Variants in ADGRL3 observed in about 807,000 individuals in gnomAD.
The protein encoded by ADGRL3 is adhesion G protein-coupled receptor L3, also known as calcium-independent alpha-latrotoxin receptor 3.
ADGRL3 carries 62 observed loss-of-function variants against 153.5 expected under a neutral mutation model. That is an observed-to-expected ratio of 0.40 (90% CI 0.33 to 0.50). The LOEUF is 0.50. Among genes scored for constraint, ADGRL3 ranks in the 20% least tolerant of loss-of-function variants. The pLI is 0.47. For synonymous variants in ADGRL3, 710 were observed against 672.5 expected, an observed-to-expected ratio of 1.06 and a Z score of -0.86; for missense variants, 1,641 against 1,859.4, an observed-to-expected ratio of 0.88 and a Z score of 2.16.
chr4:61,733,343 G>T lies in ADGRL3; in HGVS notation c.1188G>T (p.Glu396Asp). The change falls in exon 8 of 27, where the codon GAG becomes GAT. Residue 396 changes from glutamate (E) to aspartate (D), a missense_variant. Glu to Asp is a conservative substitution (Grantham distance 45, BLOSUM62 2). Transcript: ENST00000683033. ...GILYVVKSVY[E>D]DDDNEATGNK... The stretch of plus-strand genomic sequence containing the variant: ...TGTATGTGGTCAAATCTGTATATGA[G>T]GATGATGACAATGAGGCTACTGGAA... 1 of 1,613,630 alleles carries T rather than the reference G, an allele frequency of 6.2e-7. No homozygotes were observed. Among genetic ancestry groups the T allele is most frequent in the Non-Finnish European group, 8.5e-7 (1 of 1,179,776 alleles).
At chr4:61,599,376 G>T (rs1196056418) in intron 5 of ADGRL3, among the ~76,000 whole-genome samples, 1 of 152,152 alleles carries the variant, frequency 6.6e-6, no homozygotes, top group Non-Finnish European at 1.5e-5. Context: ...ATCTCATTCT[G>T]CCACCCAGGC....
At chr4:61,682,563 A>ATTT (rs10685495) in intron 6 of ADGRL3, among the ~76,000 whole-genome samples, 4,352 of 136,172 alleles carry the variant, frequency 0.032, 160 homozygotes, top group Non-Finnish European at 0.049. Flanking sequence ...CTTTAAAAAA[A>ATTT]TTTTTTTTTT....
At chr4:61,366,602 T>C (rs2096402217) in intron 1 of ADGRL3, among the ~76,000 whole-genome samples, 1 of 152,204 alleles carries the variant, frequency 6.6e-6, no homozygotes, top group Non-Finnish European at 1.5e-5. Flanking sequence ...CAACTTGCAT[T>C]TGACTGTCTT....
intron 6 of ADGRL3, among the ~76,000 whole-genome samples, chr4:61,708,698 A>G (rs922207414): frequency 6.6e-6 from 1 of 152,302 alleles, no homozygotes; most frequent in Non-Finnish European, 1.5e-5. Flanking sequence ...TCAAAGAAGA[A>G]CATGGTATTT....
At chr4:62,054,741 G>A (rs1461941476) in intron 25 of ADGRL3, among the ~76,000 whole-genome samples, 1 of 151,510 alleles carries the variant, frequency 6.6e-6, no homozygotes, top group South Asian at 2.1e-4. Context: ...AAATGCTAGT[G>A]CCCATGTTGT....
intron 8 of ADGRL3, chr4:61,775,730 CT>C: frequency 9.6e-7 from 1 of 1,041,936 alleles, no homozygotes; most frequent in Non-Finnish European, 1.5e-6. Flanking sequence ...TTGTCTAAGC[CT>C]TTGGTAGCTT....
At chr4:62,014,367 T>C (rs1045287679) in intron 21 of ADGRL3, among the ~76,000 whole-genome samples, 6 of 152,092 alleles carry the variant, frequency 3.9e-5, no homozygotes, top group African/African-American at 1.4e-4. Context: ...ATTTGTTGAG[T>C]TTGGACCATG....
intron 9 of ADGRL3, among the ~76,000 whole-genome samples, chr4:61,852,389 A>G (rs1328136127): frequency 2.6e-5 from 4 of 151,814 alleles, no homozygotes; most frequent in African/African-American, 9.7e-5. Context: ...GTCTCAACTT[A>G]CTGCAACCTC....
chr4:61,392,708 A>AAGT (rs1553919365), intron 2 of ADGRL3, among the ~76,000 whole-genome samples: 1 of 92,740 alleles, frequency 1.1e-5, no homozygotes, highest in Non-Finnish European at 2.4e-5. Flanking sequence ...AAAAAAAAAG[A>AAGT]AAAAGGAAAA....
intron 8 of ADGRL3, among the ~76,000 whole-genome samples, chr4:61,736,434 A>G (rs2096514841): frequency 6.6e-6 from 1 of 152,122 alleles, no homozygotes; most frequent in East Asian, 1.9e-4. Context: ...CGGGCATATC[A>G]CTTGAGGTCA....
intron 5 of ADGRL3, among the ~76,000 whole-genome samples, chr4:61,668,541 A>T (rs1281094315): frequency 6.6e-6 from 1 of 152,202 alleles, no homozygotes; most frequent in Admixed American, 6.5e-5. Flanking sequence ...GATTCAAATT[A>T]TATTTCTTTA....
chr4:61,445,416 T>G (rs1277455138), intron 2 of ADGRL3, among the ~76,000 whole-genome samples: 2 of 152,220 alleles, frequency 1.3e-5, no homozygotes, highest in Non-Finnish European at 2.9e-5. Context: ...AATACATAAT[T>G]TTTAACAAAA....
At chr4:61,369,548 A>G (rs1327404768) in intron 1 of ADGRL3, among the ~76,000 whole-genome samples, 1 of 152,088 alleles carries the variant, frequency 6.6e-6, no homozygotes, top group Non-Finnish European at 1.5e-5. Flanking sequence ...ATTTGCGTAT[A>G]TTGAGCCAGC....
At chr4:61,528,230 A>G (rs2098585671) in intron 4 of ADGRL3, among the ~76,000 whole-genome samples, 1 of 151,990 alleles carries the variant, frequency 6.6e-6, no homozygotes, top group African/African-American at 2.4e-5. Flanking sequence ...AAATTCTATC[A>G]CTTGCAGCAA....
intron 5 of ADGRL3, among the ~76,000 whole-genome samples, chr4:61,644,870 A>G (rs1483130817): frequency 6.6e-6 from 1 of 152,014 alleles, no homozygotes; most frequent in South Asian, 2.1e-4. Context: ...GATCTGTCTA[A>G]TGTTGACAGT....
At chr4:61,247,296 G>C (rs868352863) in intron 1 of ADGRL3, among the ~76,000 whole-genome samples, 1 of 152,016 alleles carries the variant, frequency 6.6e-6, no homozygotes, top group Non-Finnish European at 1.5e-5. Context: ...AATTCAGAGA[G>C]TGTTTTTATA....
intron 9 of ADGRL3, among the ~76,000 whole-genome samples, chr4:61,883,835 C>G (rs950915445): frequency 6.6e-6 from 1 of 151,952 alleles, no homozygotes; most frequent in Admixed American, 6.6e-5. Flanking sequence ...TTTATTAACT[C>G]TTCTTGAGGG....
At chr4:61,248,139 C>T (rs1395258598) in intron 1 of ADGRL3, among the ~76,000 whole-genome samples, 1 of 151,990 alleles carries the variant, frequency 6.6e-6, no homozygotes, top group Non-Finnish European at 1.5e-5. Context: ...GAAACCTTCT[C>T]ATTTGCTTTT....
At chr4:61,843,859 A>T (rs1283580119) in intron 9 of ADGRL3, among the ~76,000 whole-genome samples, 2 of 152,006 alleles carry the variant, frequency 1.3e-5, no homozygotes, top group African/African-American at 2.4e-5. Flanking sequence ...TAAAAAAAAT[A>T]AAAAATTAGC....
Sources: allele counts gnomAD v4.1 joint callset (sites outside exome capture counted in the v4.1 genomes callset), GRCh38; gene constraint gnomAD v4.1.1; transcripts MANE v1.5; gene names NCBI Gene and HGNC (gene_info 2026-07-23, HGNC 2026-07-21).